The following LEPR variants were observed in gnomAD, a reference collection of about 807,000 sequenced individuals.
LEPR encodes OB receptor.
LEPR carries 56 observed loss-of-function variants against 114.7 expected under a neutral mutation model. The observed-to-expected ratio is 0.49, with a 90% CI of 0.39 to 0.61. The LOEUF is 0.61. Among genes scored for constraint, LEPR ranks in the 20% least tolerant of loss-of-function variants. LEPR has a pLI of 0.00. For missense variants in LEPR, 1,202 were observed against 1,352.9 expected (o/e 0.89, Z 1.75); for synonymous variants, 443 against 461.4 (o/e 0.96, Z 0.51).
At chr1:65,519,591 T>G (rs1345749470) in intron 2 of LEPR, among the ~76,000 whole-genome samples, 1 of 152,108 alleles carries the variant, frequency 6.6e-6, no homozygotes, top group African/African-American at 2.4e-5. Flanking sequence ...TCCATATTTC[T>G]ACTAAAAGTC....
At chr1:65,511,796 A>G (rs547053992) in intron 2 of LEPR, among the ~76,000 whole-genome samples, 2 of 152,320 alleles carry the variant, frequency 1.3e-5, no homozygotes, top group South Asian at 2.1e-4. Flanking sequence ...TGAGAGAATA[A>G]CAGAGTAGAA....
intron 9 of LEPR, 78 bp downstream of exon 9, chr1:65,601,760 G>A: frequency 6.3e-7 from 1 of 1,596,282 alleles, no homozygotes. Context: ...TTAGAGTCCT[G>A]TTAAAGATGT....
intron 3 of LEPR, among the ~76,000 whole-genome samples, chr1:65,567,418 TC>T (rs1653844919): frequency 6.6e-6 from 1 of 152,192 alleles, no homozygotes; most frequent in African/African-American, 2.4e-5. Flanking sequence ...TATTCTGTTT[TC>T]TTTGAGGTGT....
intron 10 of LEPR, among the ~76,000 whole-genome samples, chr1:65,604,691 A>G (rs1656695043): frequency 6.6e-6 from 1 of 152,174 alleles, no homozygotes; most frequent in Non-Finnish European, 1.5e-5. Context: ...CCTCTTAGGA[A>G]CCCGGCCACA....
At chr1:65,484,268 G>A (rs1015688892) in intron 2 of LEPR, among the ~76,000 whole-genome samples, 2 of 151,746 alleles carry the variant, frequency 1.3e-5, no homozygotes, top group African/African-American at 4.8e-5. Context: ...TGTAATCAGG[G>A]GACATGAAAT....
At chr1:65,597,227 T>C (rs962088171) in intron 7 of LEPR, among the ~76,000 whole-genome samples, 1 of 152,132 alleles carries the variant, frequency 6.6e-6, no homozygotes, top group African/African-American at 2.4e-5. Flanking sequence ...TTGTCCATGC[T>C]GTGTTTGGAC....
intron 2 of LEPR, chr1:65,431,892 A>T (rs1393058249): frequency 6.2e-7 from 1 of 1,613,862 alleles, no homozygotes; most frequent in East Asian, 2.2e-5. Context: ...TTGGAAGAGG[A>T]GATGATTTTA....
intron 2 of LEPR, among the ~76,000 whole-genome samples, chr1:65,451,894 T>C (rs537659962): frequency 3.4e-4 from 51 of 152,096 alleles, no homozygotes; most frequent in African/African-American, 1.2e-3. Flanking sequence ...ACAATATTGA[T>C]TCTTCCTACC....
chr1:65,480,292 A>G (rs1375528165), intron 2 of LEPR, among the ~76,000 whole-genome samples: 2 of 152,310 alleles, frequency 1.3e-5, no homozygotes, highest in East Asian at 3.9e-4. Context: ...GGAAGAATAC[A>G]CATGTGAAAA....
At chr1:65,522,829 C>T (rs2100586151) in intron 2 of LEPR, among the ~76,000 whole-genome samples, 1 of 103,414 alleles carries the variant, frequency 9.7e-6, no homozygotes, top group Non-Finnish European at 2.0e-5. Context: ...TCAAAGCTTT[C>T]CTTTTAGGGT....
At chr1:65,457,066 G>C (rs1226024328) in intron 2 of LEPR, among the ~76,000 whole-genome samples, 1 of 152,010 alleles carries the variant, frequency 6.6e-6, no homozygotes, top group African/African-American at 2.4e-5. Flanking sequence ...ACACTATACT[G>C]CTTCATGGGT....
At chr1:65,628,273 A>G (rs1658334334) in intron 19 of LEPR, among the ~76,000 whole-genome samples, 1 of 152,160 alleles carries the variant, frequency 6.6e-6, no homozygotes, top group African/African-American at 2.4e-5. Flanking sequence ...TAATATAAAG[A>G]TGAAAATATA....
At chr1:65,582,682 A>G (rs1296387219) in intron 5 of LEPR, among the ~76,000 whole-genome samples, 2 of 152,162 alleles carry the variant, frequency 1.3e-5, no homozygotes, top group Non-Finnish European at 2.9e-5. Flanking sequence ...TTGTGAATAA[A>G]TTCTTTGAGT....
intron 2 of LEPR, among the ~76,000 whole-genome samples, chr1:65,462,241 A>G (rs1646955358): frequency 6.6e-6 from 1 of 152,166 alleles, no homozygotes; most frequent in Admixed American, 6.6e-5. Context: ...GAGTGAGAAC[A>G]TGCGGTGTTT....
rs1431411522 is a variant in LEPR, at chr1:65,430,126, A to G, written c.-21+4748A>G. On this transcript the variant is annotated intron_variant, in intron 2 of 19. Coordinates refer to ENST00000349533, the MANE Select transcript of LEPR (RefSeq NM_002303.6). ...GGCCTGTGTCTGGGACCTCCATTTC[A>G]TGCTCATTACTTAGGCTTTATACTC... 4.7e-6 allele frequency: 6 copies of G among 1,268,876 alleles called. No individual in the cohort carries two copies. In the African/African-American group the frequency reaches 6.0e-5, roughly 13 times the overall value. The allele number at this position is 1,268,876 out of a possible 1,614,324, so 78.6% of individuals were successfully genotyped here. A position where few individuals can be genotyped will look rare whatever the true frequency, so the allele number is the denominator to read the frequency against.
chr1:65,429,202 GT>G (rs1646436884), intron 2 of LEPR, among the ~76,000 whole-genome samples: 1 of 152,122 alleles, frequency 6.6e-6, no homozygotes, highest in South Asian at 2.1e-4. Flanking sequence ...GAATCTGTCA[GT>G]TTAGATCACA....
intron 2 of LEPR, among the ~76,000 whole-genome samples, chr1:65,475,879 GGT>G (rs1647152942): frequency 6.6e-6 from 1 of 151,816 alleles, no homozygotes; most frequent in South Asian, 2.1e-4. Context: ...AGCTGGGCAT[GGT>G]GGTGTGTGCC....
chr1:65,578,992 T>C (rs952829595), intron 5 of LEPR, among the ~76,000 whole-genome samples: 1 of 152,200 alleles, frequency 6.6e-6, no homozygotes, highest in Non-Finnish European at 1.5e-5. Flanking sequence ...CCTGTGGTCA[T>C]CATTTCCACA....
intron 2 of LEPR, among the ~76,000 whole-genome samples, chr1:65,471,552 C>CT (rs917825722): frequency 3.9e-5 from 6 of 152,188 alleles, no homozygotes; most frequent in Non-Finnish European, 7.3e-5. Context: ...TACATGAATG[C>CT]TTTTGCCCAT....
Sources: gnomAD v4.1 joint callset for allele counts (sites outside exome capture counted in the v4.1 genomes callset) on GRCh38, gnomAD v4.1.1 for gene constraint, MANE v1.5 for transcripts, NCBI Gene and HGNC (gene_info 2026-07-23, HGNC 2026-07-21) for gene names.